Variants in MBP observed in about 807,000 individuals in gnomAD.
MBP encodes the protein myelin basic protein.
MBP carries 16 observed loss-of-function variants against 35.8 expected under a neutral mutation model. The observed-to-expected ratio is 0.45, with a 90% confidence interval of 0.30 to 0.68. The LOEUF is 0.68. Among genes scored for constraint, MBP ranks in the 30% least tolerant of loss-of-function variants. The probability of loss-of-function intolerance (pLI) is 0.08; values close to 1 mark genes in which losing one functional copy is unlikely to be tolerated. For synonymous variants in MBP, 143 were observed against 159.6 expected (o/e 0.90, Z 0.78); for missense variants, 380 against 404.7 (o/e 0.94, Z 0.52).
At chr18:76,987,759 A>G in intron 7 of MBP, 5 of 1,008,750 alleles carry the variant, frequency 5.0e-6, no homozygotes, top group African/African-American at 1.7e-5. Context: ...AGTAAGAATC[A>G]TATCTGGTAT....
chr18:77,019,349 A>G (rs1971891448), intron 3 of MBP, among the ~76,000 whole-genome samples: 1 of 152,128 alleles, frequency 6.6e-6, no homozygotes, highest in Non-Finnish European at 1.5e-5. Flanking sequence ...GGTGGGCCCT[A>G]CTCCAATCAC....
chr18:77,068,221 C>T (rs1032845755), intron 2 of MBP, among the ~76,000 whole-genome samples: 2 of 152,140 alleles, frequency 1.3e-5, no homozygotes, highest in African/African-American at 2.4e-5. Flanking sequence ...TTTGCCTTCA[C>T]GTTGTGAAAT....
At chr18:77,117,050 C>T (rs530523386) in intron 1 of MBP, among the ~76,000 whole-genome samples, 124 of 152,260 alleles carry the variant, frequency 8.1e-4, no homozygotes, top group African/African-American at 2.7e-3. Flanking sequence ...GGATTTCTTA[C>T]GGAAAAGACC....
intron 4 of MBP, chr18:77,014,402 C>T: frequency 1.0e-6 from 1 of 985,394 alleles, no homozygotes; most frequent in Non-Finnish European, 1.2e-6. Context: ...CCAGGAAAAC[C>T]TCGTTCTAGA....
rs1971946398 is a variant in MBP, at chr18:77,020,478, T to C, written c.140-3210A>G. ...AGGAGAGCTCCCGGGACTTAGGATA[T>C]GGTCCTGTCACTGCTATGACTCATT... On this transcript the variant is annotated intron_variant, in intron 3 of 8. Coordinates refer to ENST00000355994, the MANE Select transcript of MBP (RefSeq NM_001025101.2). The surrounding 1 kb of genome is among the most constrained non-coding windows in gnomAD (Gnocchi z 4.1). Among the ~76,000 whole-genome samples the C allele has an allele frequency of 6.6e-6, 1 of 152,178 alleles. No homozygotes were observed. Among genetic ancestry groups the C allele is most frequent in the Non-Finnish European group, 1.5e-5 (1 of 68,014 alleles).
chr18:76,990,618 T>G (rs1969849664), intron 4 of MBP, among the ~76,000 whole-genome samples: 1 of 152,162 alleles, frequency 6.6e-6, no homozygotes, highest in Non-Finnish European at 1.5e-5. Context: ...GGAGGAGGCT[T>G]AGTTGAAAAG....
chr18:77,132,024 G>A (rs529381074), intron 1 of MBP, among the ~76,000 whole-genome samples: 63 of 152,236 alleles, frequency 4.1e-4, no homozygotes, highest in African/African-American at 1.3e-3. Flanking sequence ...GATCGCGCGC[G>A]GGGCCCCCGG....
At chr18:76,998,515 A>G (rs111988853) in intron 4 of MBP, among the ~76,000 whole-genome samples, 7 of 148,876 alleles carry the variant, frequency 4.7e-5, no homozygotes, top group Middle Eastern at 7.0e-3. Context: ...TGATTTGGCC[A>G]TGACATTCCC....
chr18:77,033,793 T>TCCACCCAC lies in MBP; in HGVS notation c.140-16533_140-16526dup, dbSNP rs34392069. The stretch of plus-strand genomic sequence containing the variant: ...ATCCATCCATCCATCCATCCATCCA[T>TCCACCCAC]CCACCCACTCACCCATCCACACACC... On this transcript the variant is annotated intron_variant, in intron 3 of 8. Transcript: ENST00000355994. Among the ~76,000 whole-genome samples the TCCACCCAC allele has an allele frequency of 1.6e-3, 236 of 143,742 alleles. 1 individual carries two copies. Among genetic ancestry groups the TCCACCCAC allele is most frequent in the African/African-American group, 5.5e-3 (220 of 39,782 alleles). 94.3% of individuals were successfully genotyped at this position (143,742 alleles called of 152,430 possible). A position where few individuals can be genotyped will look rare whatever the true frequency, so the allele number is the denominator to read the frequency against.
At chr18:77,053,541 A>C (rs1973596061) in intron 3 of MBP, among the ~76,000 whole-genome samples, 1 of 139,314 alleles carries the variant, frequency 7.2e-6, no homozygotes. Context: ...CACACATCAC[A>C]AAGCACACAC....
chr18:77,050,672 C>T (rs1973452437), intron 3 of MBP, among the ~76,000 whole-genome samples: 1 of 152,154 alleles, frequency 6.6e-6, no homozygotes, highest in African/African-American at 2.4e-5. Flanking sequence ...TCAGCTTCCC[C>T]AGTAGCTGGA....
At chr18:77,002,588 A>T (rs1970696701) in intron 4 of MBP, among the ~76,000 whole-genome samples, 1 of 152,244 alleles carries the variant, frequency 6.6e-6, no homozygotes, top group South Asian at 2.1e-4. Context: ...TGTGATCGTA[A>T]ACCAAAAATA....
chr18:77,048,655 G>A (rs531998561), intron 3 of MBP, among the ~76,000 whole-genome samples: 91 of 152,118 alleles, frequency 6.0e-4, no homozygotes, highest in African/African-American at 2.2e-3. Flanking sequence ...GTTGAGACGG[G>A]GTTTCACCAT....
At chr18:77,009,589 AG>A (rs1971209184) in intron 4 of MBP, among the ~76,000 whole-genome samples, 1 of 152,234 alleles carries the variant, frequency 6.6e-6, no homozygotes, top group South Asian at 2.1e-4. Context: ...CTGAGCTGAC[AG>A]CCATACCCTT....
rs1423241961 is a variant in MBP, at chr18:76,988,417, A to T, written c.750+78T>A. On this transcript the variant is annotated intron_variant, in intron 7 of 8. Transcript: ENST00000355994. This position sits in a 1 kb window ranked among gnomAD's most constrained non-coding sequence, Gnocchi z 5.2. ...AAGGAGGCCAGGAAGCAACCGAAAC[A>T]GAGCAGAACACAAAAGTTGCGGGGC... is the stretch of plus-strand genomic sequence containing the variant. The T allele has an allele frequency of 6.2e-7, 1 of 1,614,074 alleles. No homozygotes were observed.
chr18:77,088,829 T>C (rs1004167082), intron 2 of MBP, among the ~76,000 whole-genome samples: 3 of 152,218 alleles, frequency 2.0e-5, no homozygotes, highest in Non-Finnish European at 4.4e-5. Context: ...CCTAGCGCCT[T>C]GAAGATGTCC....
At chr18:77,029,101 T>C (rs1972417135) in intron 3 of MBP, among the ~76,000 whole-genome samples, 1 of 99,822 alleles carries the variant, frequency 1.0e-5, no homozygotes, top group Non-Finnish European at 2.6e-5. Context: ...ATCTCGCCAC[T>C]GCACCCCAGC....
chr18:77,031,931 T>C (rs1390861134), intron 3 of MBP, among the ~76,000 whole-genome samples: 1 of 152,200 alleles, frequency 6.6e-6, no homozygotes, highest in Non-Finnish European at 1.5e-5. Flanking sequence ...GTCCAGCAGA[T>C]AGATAGTCTG....
intron 4 of MBP, chr18:77,014,642 C>T: frequency 2.0e-6 from 2 of 985,422 alleles, no homozygotes; most frequent in Non-Finnish European, 2.4e-6. Flanking sequence ...TTTTTAGGGC[C>T]ATTGCGGGTC....
Sources: gnomAD v4.1 joint callset for allele counts (sites outside exome capture counted in the v4.1 genomes callset) on GRCh38, gnomAD v4.1.1 for gene constraint, Gnocchi (gnomAD v3.1) non-coding constraint, MANE v1.5 for transcripts, NCBI Gene and HGNC (gene_info 2026-07-23, HGNC 2026-07-21) for gene names.